BLM: variants seen among roughly 807,000 people sequenced by gnomAD.
The protein encoded by BLM is recQ-like DNA helicase BLM.
In BLM, 95 loss-of-function variants were observed where a neutral mutation model predicts 135.3. The ratio of observed to expected loss-of-function variants is 0.70; its 90% confidence interval spans 0.59 to 0.83. The LOEUF (loss-of-function observed/expected upper bound fraction) is 0.83. BLM is among the 40% of genes least tolerant of loss of function. The pLI is 0.00. For synonymous variants in BLM, 520 were observed against 589.2 expected (o/e 0.88, Z 1.70); for missense variants, 1,518 against 1,663.9 (o/e 0.91, Z 1.53).
intron 14 of BLM, among the ~76,000 whole-genome samples, chr15:90,789,349 A>C (rs1401768305): frequency 6.6e-6 from 1 of 152,206 alleles, no homozygotes; most frequent in Non-Finnish European, 1.5e-5. Flanking sequence ...AAGAGTTGGC[A>C]GCCTTGCATC....
At chr15:90,767,081 T>A (rs1272001585) in intron 10 of BLM, 58 bp downstream of exon 10, 2 of 1,140,966 alleles carry the variant, frequency 1.8e-6, no homozygotes, top group East Asian at 5.4e-5. Context: ...TACATATATT[T>A]TTAAGATTTT....
Position 90,782,870 on chromosome 15 carries a change from G to C in BLM, c.2604G>C (p.Pro868=). The change falls in exon 13 of 22, where the codon CCG becomes CCC. Residue 868 remains proline, a synonymous_variant. Coordinates refer to ENST00000355112, the MANE Select transcript of BLM (RefSeq NM_000057.4). ...ATAATCTGAAATACTATGTATTACC[G>C]AAAAAGCCTAAAAAGGTGGCATTTG... The part of the protein sequence containing the change: ...NRHNLKYYVL[P]KKPKKVAFDC... 1 of 1,613,840 alleles carries C rather than the reference G, an allele frequency of 6.2e-7. No individual in the cohort carries two copies. Among genetic ancestry groups the C allele is most frequent in the South Asian group, 1.1e-5 (1 of 91,074 alleles).
intron 10 of BLM, among the ~76,000 whole-genome samples, chr15:90,768,491 C>T (rs1290936322): frequency 6.6e-6 from 1 of 152,100 alleles, no homozygotes; most frequent in Non-Finnish European, 1.5e-5. Context: ...TAATTTTTCC[C>T]CCAGCCAACA....
At chr15:90,779,926 TTTGCTTTGTTTGGTGTCC>T (rs1250254474) in intron 12 of BLM, among the ~76,000 whole-genome samples, 2 of 152,154 alleles carry the variant, frequency 1.3e-5, no homozygotes, top group African/African-American at 4.8e-5. Context: ...TATTTTTCAG[TTTGCTTTGTTTGGTGTCC>T]TGGAGGTTTT....
At chr15:90,777,421 G>A (rs977307199) in intron 12 of BLM, among the ~76,000 whole-genome samples, 4 of 152,182 alleles carry the variant, frequency 2.6e-5, no homozygotes, top group African/African-American at 9.7e-5. Flanking sequence ...TGAAAGTGCT[G>A]GGATTAGAGG....
In BLM at chr15:90,754,898, T is replaced by C; in HGVS notation, c.1047T>C (p.Ser349=). The C allele has an allele frequency of 6.2e-7, 1 of 1,613,770 alleles. No individual in the cohort carries two copies. The highest frequency in any genetic ancestry group is 2.2e-5 in the East Asian group (1 of 44,874). The part of the protein sequence containing the change: ...KDLLSKPEKM[S]MQELNPETST... ...TTTTGTCAAAACCTGAGAAAATGAG[T>C]ATGCAGGAGCTGAATCCAGAAACCA... The change falls in exon 5 of 22, where the codon AGT becomes AGC. Residue 349 remains serine, a synonymous_variant. Coordinates refer to ENST00000355112, the MANE Select transcript of BLM (RefSeq NM_000057.4).
In BLM at chr15:90,761,017, A is replaced by G; in HGVS notation, c.1644A>G (p.Gln548=). 6 of 1,606,042 alleles carry G rather than the reference A, an allele frequency of 3.7e-6. No individual in the cohort carries two copies. The highest frequency in any genetic ancestry group is 5.1e-6 in the Non-Finnish European group (6 of 1,176,812). The change falls in exon 7 of 22, where the codon CAA becomes CAG. Residue 548 remains glutamine, a synonymous_variant. Transcript: ENST00000355112. ...ASINDLERET[Q]PSYDIDNFDI... is the part of the protein sequence containing the mutation. ...TAAATGACTTAGAAAGAGAAACCCA[A>G]CCTTCCTATGATATTGATAATTTTG... is the stretch of plus-strand genomic sequence containing the variant.
chr15:90,768,180 C>T (rs571022570), intron 10 of BLM, among the ~76,000 whole-genome samples: 26 of 152,136 alleles, frequency 1.7e-4, no homozygotes, highest in African/African-American at 6.0e-4. Context: ...TGACCTCAGG[C>T]GATCTGCCCA....
chr15:90,808,981 G>A, intron 19 of BLM, 156 bp from the exon 20 acceptor site: 1 of 958,894 alleles, frequency 1.0e-6, no homozygotes, highest in Non-Finnish European at 1.6e-6. Context: ...TGCCTCTGAG[G>A]TGCTAACTTT....
In BLM at chr15:90,749,846, TTTTTAAAGCACAGC is replaced by T; in HGVS notation, c.582_595del (p.Phe194LeufsTer9). 1 of 1,593,678 alleles carries T rather than the reference TTTTTAAAGCACAGC, an allele frequency of 6.3e-7. No homozygotes were observed. Among genetic ancestry groups the T allele is most frequent in the South Asian group, 1.1e-5 (1 of 87,840 alleles). ...AAATCAAAAAAGGGTAAGAGAAACTTTTTTAAAGCACAGCTTTATACAACAAACACAGTAAAGAC... is the reference window on the plus strand; with the variant it reads ...AAATCAAAAAAGGGTAAGAGAAACTTTTTATACAACAAACACAGTAAAGAC... On this transcript the variant is annotated frameshift_variant, in exon 3 of 22. Transcript: ENST00000355112. LOFTEE classifies it high-confidence loss of function.
intron 1 of BLM, among the ~76,000 whole-genome samples, chr15:90,732,986 G>A (rs1313892163): frequency 2.0e-5 from 3 of 152,076 alleles, no homozygotes; most frequent in Admixed American, 6.6e-5. Flanking sequence ...CCAGCTACTC[G>A]GGATGCTGAG....
intron 12 of BLM, among the ~76,000 whole-genome samples, chr15:90,773,872 C>G (rs530282781): frequency 3.7e-4 from 56 of 151,992 alleles, no homozygotes; most frequent in African/African-American, 1.2e-3. Flanking sequence ...TTTTATTTGC[C>G]CATTCATCAT....
chr15:90,730,223 T>C (rs887737720), intron 1 of BLM, among the ~76,000 whole-genome samples: 2 of 152,210 alleles, frequency 1.3e-5, no homozygotes, highest in Admixed American at 6.5e-5. Flanking sequence ...CCTTTGTGAA[T>C]ATTAATGATT....
At chr15:90,784,499 A>AT (rs978409578) in intron 13 of BLM, among the ~76,000 whole-genome samples, 22 of 151,160 alleles carry the variant, frequency 1.5e-4, no homozygotes, top group East Asian at 1.4e-3. Flanking sequence ...CACCTGGCTG[A>AT]TTTTTTTTGT....
At chr15:90,763,830 T>C (rs528130597) in intron 8 of BLM, among the ~76,000 whole-genome samples, 22 of 152,358 alleles carry the variant, frequency 1.4e-4, no homozygotes, top group African/African-American at 5.3e-4. Context: ...CACATGAGAA[T>C]ATTAAATCAA....
chr15:90,738,204 C>A (rs1895268386), intron 1 of BLM, among the ~76,000 whole-genome samples: 1 of 152,130 alleles, frequency 6.6e-6, no homozygotes, highest in South Asian at 2.1e-4. Flanking sequence ...CAGATGGCCT[C>A]ACTGGTCATT....
At chr15:90,718,777 A>C (rs8032275) in intron 1 of BLM, among the ~76,000 whole-genome samples, 1,775 of 152,254 alleles carry the variant, frequency 0.012, 20 homozygotes, top group East Asian at 0.045. Flanking sequence ...TGAGGAAACC[A>C]AGAGTTAAAA....
chr15:90,751,930 T>G lies in BLM; in HGVS notation c.943T>G (p.Ser315Ala). The part of the protein sequence containing the change: ...PEEIISASSS[S>A]SKCLSTLKDL... ...AGAAATTATTTCTGCTTCTTCTTCCTCTTCAAAATGCCTTAGGTAAACTAG... is the reference window on the plus strand; with the variant it reads ...AGAAATTATTTCTGCTTCTTCTTCCGCTTCAAAATGCCTTAGGTAAACTAG... Residue 315 changes from serine (S) to alanine (A), a missense_variant, in exon 4 of 22, where the codon TCT becomes GCT. Ser to Ala is a moderately conservative substitution (Grantham distance 99). Transcript: ENST00000355112. 1 of 1,612,284 alleles carries G rather than the reference T, an allele frequency of 6.2e-7. No individual in the cohort carries two copies. Among genetic ancestry groups the G allele is most frequent in the African/African-American group, 1.3e-5 (1 of 75,036 alleles).
rs2151147318 is a variant in BLM, at chr15:90,749,679, G to A, written c.411G>A (p.Lys137=). 6.2e-7 allele frequency: 1 copy of A among 1,614,148 alleles called. No homozygotes were observed. Among genetic ancestry groups the A allele is most frequent in the Non-Finnish European group, 8.5e-7 (1 of 1,180,022 alleles). Residue 137 remains lysine (K), a synonymous_variant, in exon 3 of 22, where the codon AAG becomes AAA. Transcript: ENST00000355112. ...AGAAATCCCGGGATACTGCTCTCAA[G>A]AAATTAGAATTTAGTTCTTCACCAG... ...TVKKSRDTAL[K]KLEFSSSPDS...
Sources: allele counts gnomAD v4.1 joint callset (sites outside exome capture counted in the v4.1 genomes callset), GRCh38; gene constraint gnomAD v4.1.1; transcripts MANE v1.5; gene names NCBI Gene and HGNC (gene_info 2026-07-23, HGNC 2026-07-21).